The following ELL2 variants were observed in gnomAD, a reference collection of about 807,000 sequenced individuals.
ELL2 encodes the protein RNA polymerase II elongation factor ELL2.
Under a neutral mutation model 72.8 loss-of-function variants are expected in ELL2, and 21 were observed. The observed-to-expected ratio is 0.29, with a 90% CI of 0.20 to 0.42. The LOEUF (loss-of-function observed/expected upper bound fraction) is 0.42, where lower values mean the gene tolerates loss of function less well. Among genes scored for constraint, ELL2 ranks in the 10% least tolerant of loss-of-function variants. The probability of loss-of-function intolerance (pLI) is 1.00; values close to 1 mark genes in which losing one functional copy is unlikely to be tolerated. For missense variants in ELL2, 568 were observed against 772.8 expected, an observed-to-expected ratio of 0.73 and a Z score of 3.14; for synonymous variants, 266 against 283.2, an observed-to-expected ratio of 0.94 and a Z score of 0.61.
chr5:95,898,331 G>A lies in ELL2; in HGVS notation c.1434C>T (p.His478=), dbSNP rs532846531. The A allele has an allele frequency of 3.5e-5, 57 of 1,613,580 alleles. 1 individual carries two copies. In the South Asian group the frequency reaches 4.8e-4, roughly 14 times the overall value. Residue 478 remains histidine (H), a synonymous_variant, in exon 8 of 12, where the codon CAC becomes CAT. Transcript: ENST00000237853. ...KHKEKDQIKK[H]DIETIEEKEE... ...CCTTTTCCTCAATAGTCTCAATGTCGTGCTTTTTTATTTGGTCCTTTTCCT... is the reference window on the plus strand; with the variant it reads ...CCTTTTCCTCAATAGTCTCAATGTCATGCTTTTTTATTTGGTCCTTTTCCT...
At chr5:95,931,911 A>T (rs1276729373) in intron 2 of ELL2, among the ~76,000 whole-genome samples, 2 of 150,808 alleles carry the variant, frequency 1.3e-5, no homozygotes, top group Non-Finnish European at 3.0e-5. Flanking sequence ...CATGGGAATC[A>T]CAACTTTATG....
intron 2 of ELL2, among the ~76,000 whole-genome samples, chr5:95,926,239 T>G: frequency 6.8e-6 from 1 of 146,344 alleles, no homozygotes; most frequent in African/African-American, 2.5e-5. Flanking sequence ...GGTGGAGGAG[T>G]AGGAAGGGGA....
intron 1 of ELL2, among the ~76,000 whole-genome samples, chr5:95,960,184 T>C (rs1751769718): frequency 6.6e-6 from 1 of 152,064 alleles, no homozygotes; most frequent in African/African-American, 2.4e-5. Flanking sequence ...CTGTCTGTTG[T>C]ACGAGACCGG....
chr5:95,937,852 C>T (rs891939987), intron 2 of ELL2, among the ~76,000 whole-genome samples: 3 of 152,116 alleles, frequency 2.0e-5, no homozygotes, highest in Non-Finnish European at 4.4e-5. Context: ...CAAACCAAAA[C>T]ATCAAGGGAA....
chr5:95,914,010 C>A (rs1427592808), intron 3 of ELL2, 76 bp from the exon 4 acceptor site: 1 of 1,358,630 alleles, frequency 7.4e-7, no homozygotes, highest in Non-Finnish European at 9.6e-7. Flanking sequence ...ATTATATAAT[C>A]CTAAAATCAG....
At chr5:95,905,824 T>C (rs1163003652) in intron 5 of ELL2, among the ~76,000 whole-genome samples, 3 of 151,724 alleles carry the variant, frequency 2.0e-5, no homozygotes, top group African/African-American at 7.3e-5. Flanking sequence ...GTAAAAAAGA[T>C]GGACCACCAT....
At chr5:95,926,500 TAATA>T (rs1580511755) in intron 2 of ELL2, among the ~76,000 whole-genome samples, 1 of 152,196 alleles carries the variant, frequency 6.6e-6, no homozygotes, top group Non-Finnish European at 1.5e-5. Flanking sequence ...GAATTATAAT[TAATA>T]AATAATTCAG....
At chr5:95,946,946 G>A (rs1751180624) in intron 1 of ELL2, among the ~76,000 whole-genome samples, 1 of 152,184 alleles carries the variant, frequency 6.6e-6, no homozygotes, top group South Asian at 2.1e-4. Context: ...CCTGGAAAAT[G>A]AATGCCCAAA....
chr5:95,942,972 T>C, intron 2 of ELL2, 30 bp downstream of exon 2: 1 of 1,539,172 alleles, frequency 6.5e-7, no homozygotes, highest in South Asian at 1.3e-5. Flanking sequence ...GAACATTAGA[T>C]TTGTTTGTTA....
rs1415434383 is a variant in ELL2, at chr5:95,906,643, C to T, written c.621G>A (p.Arg207=). ...GGGCCAGTAAGTGAATCACCCTGTCCCTGTATGGCCTCTGAGAGATGGTGC... is the reference window on the plus strand; with the variant it reads ...GGGCCAGTAAGTGAATCACCCTGTCTCTGTATGGCCTCTGAGAGATGGTGC... ...SSSTISQRPY[R]DRVIHLLALK... The change falls in exon 5 of 12, where the codon AGG becomes AGA. Residue 207 remains arginine, a synonymous_variant. Transcript: ENST00000237853. 1 of 1,613,962 alleles carries T rather than the reference C, an allele frequency of 6.2e-7. No individual in the cohort carries two copies. Among genetic ancestry groups the T allele is most frequent in the East Asian group, 2.2e-5 (1 of 44,884 alleles).
chr5:95,895,253 T>A (rs1748822472), intron 9 of ELL2, among the ~76,000 whole-genome samples: 1 of 152,262 alleles, frequency 6.6e-6, no homozygotes, highest in African/African-American at 2.4e-5. Context: ...TTCAAGCACT[T>A]TGTCAGCAGT....
intron 4 of ELL2, among the ~76,000 whole-genome samples, chr5:95,909,402 C>T (rs1478731064): frequency 6.6e-6 from 1 of 152,198 alleles, no homozygotes; most frequent in East Asian, 1.9e-4. Context: ...TCAAAGATCA[C>T]TTGTTCACTA....
intron 1 of ELL2, among the ~76,000 whole-genome samples, chr5:95,955,966 C>T (rs1213734694): frequency 1.3e-5 from 2 of 151,970 alleles, no homozygotes; most frequent in African/African-American, 4.8e-5. Flanking sequence ...TCTCATTTTC[C>T]TCTCTCTGCT....
At chr5:95,930,805 A>G (rs1750568602) in intron 2 of ELL2, among the ~76,000 whole-genome samples, 1 of 152,230 alleles carries the variant, frequency 6.6e-6, no homozygotes, top group South Asian at 2.1e-4. Context: ...CAGCAATAAG[A>G]CATACAATAT....
At chr5:95,941,398 T>C (rs1375989248) in intron 2 of ELL2, among the ~76,000 whole-genome samples, 2 of 152,094 alleles carry the variant, frequency 1.3e-5, no homozygotes, top group Admixed American at 1.3e-4. Flanking sequence ...AGATTTCAAA[T>C]ATAAACTGCC....
intron 9 of ELL2, 22 bp from the exon 10 acceptor site, chr5:95,891,296 G>A (rs888065402): frequency 1.3e-6 from 2 of 1,589,980 alleles, no homozygotes; most frequent in East Asian, 4.5e-5. Flanking sequence ...AAAGATAAAT[G>A]GAGAGTAGCT....
chr5:95,951,247 T>C (rs1257630801), intron 1 of ELL2, among the ~76,000 whole-genome samples: 1 of 151,920 alleles, frequency 6.6e-6, no homozygotes, highest in African/African-American at 2.4e-5. Flanking sequence ...TGGGCGCCTG[T>C]AGCCCCAGCT....
At chr5:95,924,922 T>C (rs893967682) in intron 2 of ELL2, among the ~76,000 whole-genome samples, 1 of 152,216 alleles carries the variant, frequency 6.6e-6, no homozygotes, top group African/African-American at 2.4e-5. Context: ...GTCACGGACG[T>C]CCTATTTACA....
intron 3 of ELL2, among the ~76,000 whole-genome samples, chr5:95,917,288 T>C (rs1749849758): frequency 1.3e-5 from 2 of 152,200 alleles, no homozygotes; most frequent in Admixed American, 1.3e-4. Flanking sequence ...ATCAAGGAAG[T>C]TTAAAAATAT....
Sources: allele counts gnomAD v4.1 joint callset (sites outside exome capture counted in the v4.1 genomes callset), GRCh38; gene constraint gnomAD v4.1.1; transcripts MANE v1.5; gene names NCBI Gene and HGNC (gene_info 2026-07-23, HGNC 2026-07-21).